The following LTBP2 variants were observed in gnomAD, a reference collection of about 807,000 sequenced individuals.
LTBP2 encodes latent-transforming growth factor beta-binding protein 2.
Under a neutral mutation model 210.6 loss-of-function variants are expected in LTBP2, and 103 were observed. The ratio of observed to expected loss-of-function variants is 0.49; its 90% CI spans 0.42 to 0.58. The LOEUF is 0.58. Among genes scored for constraint, LTBP2 ranks in the 20% least tolerant of loss-of-function variants. The pLI, the probability that LTBP2 is intolerant of heterozygous loss-of-function variation, is 0.00. For synonymous variants in LTBP2, 1,007 were observed against 1,015.0 expected, an observed-to-expected ratio of 0.99 and a Z score of 0.15; for missense variants, 2,313 against 2,494.5, an observed-to-expected ratio of 0.93 and a Z score of 1.55.
intron 2 of LTBP2, among the ~76,000 whole-genome samples, chr14:74,596,822 C>T (rs556055487): frequency 1.0e-3 from 155 of 152,254 alleles, no homozygotes; most frequent in African/African-American, 3.5e-3. Flanking sequence ...GTGAGTAAGA[C>T]CTGCACGGGG....
rs777807591 is a variant in LTBP2, at chr14:74,509,252, C to T, written c.3389G>A (p.Gly1130Asp). Residue 1130 changes from glycine to aspartate, a missense_variant, in exon 22 of 36, where the codon GGT becomes GAT. This residue lies in a region of LTBP2 where 1,867 missense variants were observed against 1,976.9 expected (regional missense o/e 0.94). Coordinates refer to ENST00000261978, the MANE Select transcript of LTBP2 (RefSeq NM_000428.3). ...GAGGCTCATACCTTCACAGGAGTCA[C>T]CCAGGGGGCTGGGCCGGTAGCCCCC... ...CDGGYRPSPL[G>D]DSCEDVDECE... The T allele has an allele frequency of 2.0e-5, 33 of 1,613,540 alleles. No homozygotes were observed. The highest frequency in any genetic ancestry group is 2.5e-5 in the Non-Finnish European group (29 of 1,180,018).
chr14:74,605,673 C>T (rs1379048571), intron 1 of LTBP2, among the ~76,000 whole-genome samples: 2 of 152,314 alleles, frequency 1.3e-5, no homozygotes, highest in East Asian at 3.9e-4. Context: ...GACGCAGGAG[C>T]CTGCCTGGCT....
chr14:74,599,749 G>A (rs146728921), intron 2 of LTBP2, among the ~76,000 whole-genome samples: 1 of 152,368 alleles, frequency 6.6e-6, no homozygotes, highest in Non-Finnish European at 1.5e-5. Flanking sequence ...GAGATGGACT[G>A]GTGTGTGACA....
Position 74,551,177 on chromosome 14 carries a change from C to T in LTBP2, c.1573G>A (p.Asp525Asn). The T allele has an allele frequency of 6.2e-7, 1 of 1,613,912 alleles. No homozygotes were observed. Among genetic ancestry groups the T allele is most frequent in the Non-Finnish European group, 8.5e-7 (1 of 1,180,010 alleles). Residue 525 changes from aspartate (D) to asparagine (N), a missense_variant, in exon 7 of 36, where the codon GAC becomes AAC. Physicochemically the swap from Asp to Asn is conservative, Grantham distance 23. Coordinates refer to ENST00000261978, the MANE Select transcript of LTBP2 (RefSeq NM_000428.3). ...LPASPGHSLW[D>N]SNNIPARSGE... ...GACCGAGCAGGGATGTTGTTGCTGT[C>T]CCAGAGGCTGTGGCCAGGGCTGGCA...
chr14:74,509,166 C>G, intron 22 of LTBP2, 72 bp downstream of exon 22: 1 of 1,607,596 alleles, frequency 6.2e-7, no homozygotes, highest in Non-Finnish European at 8.5e-7. Flanking sequence ...AGCCCCCCAC[C>G]TGCTGGGCTT....
chr14:74,508,737 G>C lies in LTBP2; in HGVS notation c.3527-8C>G, dbSNP rs1566615576. The C allele has an allele frequency of 1.9e-6, 3 of 1,613,496 alleles. No individual in the cohort carries two copies. The African/African-American group carries it at 4.0e-5, about 22-fold the overall frequency. On this transcript the variant is annotated splice_polypyrimidine_tract_variant and splice_region_variant and intron_variant, in intron 23 of 35. Transcript: ENST00000261978. ...CCATGCACTCATTCACATCTGCAGG[G>C]AAAAGATGGGGAGTGGGTGTCTGCT...
chr14:74,529,351 T>C (rs533420838), intron 10 of LTBP2, among the ~76,000 whole-genome samples: 1 of 152,326 alleles, frequency 6.6e-6, no homozygotes, highest in South Asian at 2.1e-4. Context: ...ATGAGACTCG[T>C]GACTCCCCAC....
At chr14:74,543,915 G>T (rs140129517) in intron 8 of LTBP2, among the ~76,000 whole-genome samples, 4 of 152,174 alleles carry the variant, frequency 2.6e-5, no homozygotes, top group Admixed American at 1.3e-4. Context: ...CAGTGAGGTC[G>T]AAAAAGAGTC....
chr14:74,501,565 A>T lies in LTBP2; in HGVS notation c.5196T>A (p.Leu1732=). The change falls in exon 35 of 36, where the codon CTT becomes CTA. Residue 1732 remains leucine (L), a synonymous_variant. Coordinates refer to ENST00000261978, the MANE Select transcript of LTBP2 (RefSeq NM_000428.3). ...HPEPPAGFEG[L]QAEECGILNG... is the part of the protein sequence containing the mutation. ...TCAGGATGCCGCACTCCTCCGCCTG[A>T]AGCCCTTCGAAGCCGGCTGGGGGCT... is the stretch of plus-strand genomic sequence containing the variant. 6.2e-7 allele frequency: 1 copy of T among 1,614,080 alleles called. No homozygotes were observed. Among genetic ancestry groups the T allele is most frequent in the Non-Finnish European group, 8.5e-7 (1 of 1,180,026 alleles).
At chr14:74,584,838 C>G (rs2088181966) in intron 3 of LTBP2, among the ~76,000 whole-genome samples, 1 of 152,094 alleles carries the variant, frequency 6.6e-6, no homozygotes, top group Admixed American at 6.6e-5. Context: ...CCTGGACACC[C>G]TCAACCTCCT....
intron 4 of LTBP2, among the ~76,000 whole-genome samples, chr14:74,555,049 T>G (rs539424033): frequency 1.3e-5 from 2 of 152,028 alleles, no homozygotes; most frequent in Admixed American, 1.3e-4. Context: ...AGGGAGGGGT[T>G]GTCAGGCAAT....
At chr14:74,537,789 C>T (rs541078103) in intron 8 of LTBP2, among the ~76,000 whole-genome samples, 33 of 152,202 alleles carry the variant, frequency 2.2e-4, no homozygotes, top group African/African-American at 8.0e-4. Flanking sequence ...GAGTCTTGCT[C>T]TGTCGCACAG....
In LTBP2 at chr14:74,502,843, C is replaced by T; in HGVS notation, c.4980G>A (p.Gly1660=). The stretch of plus-strand genomic sequence containing the variant: ...AGATGCTGTAGTGCAGGTCATCGGG[C>T]CCGGGGCCATACTCATAGCCTGGCC... ...HFRPGYEYGP[G]PDDLHYSIYG... The change falls in exon 34 of 36, where the codon GGG becomes GGA. Residue 1660 remains glycine, a synonymous_variant. Coordinates refer to ENST00000261978, the MANE Select transcript of LTBP2 (RefSeq NM_000428.3). The T allele has an allele frequency of 1.2e-6, 2 of 1,614,106 alleles. No homozygotes were observed. Among genetic ancestry groups the T allele is most frequent in the Non-Finnish European group, 8.5e-7 (1 of 1,180,024 alleles).
At chr14:74,512,082 AGAG>A (rs1484561890) in intron 18 of LTBP2, among the ~76,000 whole-genome samples, 1 of 152,156 alleles carries the variant, frequency 6.6e-6, no homozygotes, top group Admixed American at 6.5e-5. Flanking sequence ...GGCAACAGGA[AGAG>A]GAGGGAGCTA....
At chr14:74,564,148 TA>T (rs2139762900) in intron 3 of LTBP2, among the ~76,000 whole-genome samples, 4 of 45,170 alleles carry the variant, frequency 8.9e-5, no homozygotes, top group South Asian at 6.0e-4. Flanking sequence ...TATATATATA[TA>T]TTTATATATA....
At position 74,524,382 on chromosome 14, in the gene LTBP2, A is replaced by C. The variant is rs551692820; in HGVS notation, c.2530+742T>G. Among the ~76,000 whole-genome samples the C allele has an allele frequency of 7.9e-5, 12 of 152,120 alleles. No individual in the cohort carries two copies. In the South Asian group the frequency reaches 1.9e-3, roughly 24 times the overall value. ...GCAGGGGCTTTCCCTTTGCTGAAGG[A>C]AATCCAGAACCCCCTGACCACCCTC... On this transcript the variant is annotated intron_variant, in intron 15 of 35. Transcript: ENST00000261978.
chr14:74,606,300 C>T (rs1284976221), intron 1 of LTBP2, among the ~76,000 whole-genome samples: 1 of 152,248 alleles, frequency 6.6e-6, no homozygotes, highest in Non-Finnish European at 1.5e-5. Flanking sequence ...GGCCCCCTGG[C>T]ACCCATGTGC....
Position 74,528,835 on chromosome 14 carries a change from G to T in LTBP2, c.2152+123C>A. On this transcript the variant is annotated intron_variant, in intron 11 of 35. Transcript: ENST00000261978. ...GGGAGCCCCAGGTTGGGATAAGCAC[G>T]TGAGCAGGCAGGGAAGGCTACTTCA... The T allele has an allele frequency of 2.0e-6, 3 of 1,516,072 alleles. No individual in the cohort carries two copies. In the South Asian group the frequency reaches 3.5e-5, roughly 18 times the overall value. The allele number at this position is 1,516,072 out of a possible 1,614,324, so 93.9% of individuals were successfully genotyped here. A position where few individuals can be genotyped will look rare whatever the true frequency, so the allele number is the denominator to read the frequency against.
intron 3 of LTBP2, among the ~76,000 whole-genome samples, chr14:74,559,187 T>G (rs1303789804): frequency 6.6e-6 from 1 of 152,172 alleles, no homozygotes; most frequent in Non-Finnish European, 1.5e-5. Flanking sequence ...TTAAAGTTCT[T>G]CTTTAAGGGA....
Sources: gnomAD v4.1 joint callset for allele counts (sites outside exome capture counted in the v4.1 genomes callset) on GRCh38, gnomAD v4.1.1 for gene constraint, gnomAD v4.1.1 regional missense constraint, MANE v1.5 for transcripts, NCBI Gene and HGNC (gene_info 2026-07-23, HGNC 2026-07-21) for gene names.